Variants in CYP2B6 observed in about 807,000 individuals in gnomAD.
CYP2B6 encodes the protein cytochrome P450 2B6.
Under a neutral mutation model 43.4 loss-of-function variants are expected in CYP2B6, and 35 were observed. That is an observed-to-expected ratio of 0.81 (90% CI 0.62 to 1.07). The LOEUF is 1.07. Among genes scored for constraint, CYP2B6 ranks in the 50% least tolerant of loss-of-function variants. The pLI, the probability that CYP2B6 is intolerant of heterozygous loss-of-function variation, is 0.00. For missense variants in CYP2B6, 624 were observed against 632.8 expected (o/e 0.99, Z 0.15); for synonymous variants, 239 against 239.2 (o/e 1.00, Z 0.01).
In CYP2B6 at chr19:41,012,381, GA is replaced by G; in HGVS notation, c.1049del (p.Glu350GlyfsTer43). The G allele has an allele frequency of 2.5e-6, 4 of 1,614,128 alleles. No individual in the cohort carries two copies. Among genetic ancestry groups the G allele is most frequent in the Non-Finnish European group, 3.4e-6 (4 of 1,180,030 alleles). ...TGACCGAGCCAAAATGCCATACACA[GA>G]GGCAGTCATCTATGAGATTCAGAGA... ...LHDRAKMPYT[E>X]AVIYEIQRFS... On this transcript the variant is annotated frameshift_variant, in exon 7 of 9. Coordinates refer to ENST00000324071, the MANE Select transcript of CYP2B6 (RefSeq NM_000767.5). LOFTEE classifies it high-confidence loss of function.
At chr19:40,992,155 T>C (rs1419373808) in intron 1 of CYP2B6, among the ~76,000 whole-genome samples, 2 of 143,666 alleles carry the variant, frequency 1.4e-5, no homozygotes, top group Non-Finnish European at 3.0e-5. Context: ...TGAGCCAAAA[T>C]CTTACCACTG....
chr19:41,014,484 T>G (rs1203023112), intron 8 of CYP2B6, among the ~76,000 whole-genome samples: 3 of 152,030 alleles, frequency 2.0e-5, no homozygotes, highest in East Asian at 1.9e-4. Flanking sequence ...TTTTTTTATT[T>G]TTAGTAGAGA....
At chr19:41,009,884 T>TA in intron 5 of CYP2B6, 110 bp from the exon 6 acceptor site, 1 of 1,298,248 alleles carries the variant, frequency 7.7e-7, no homozygotes, top group East Asian at 2.3e-5. Context: ...CTGGGCCAGA[T>TA]AGTGTCAAAG....
rs573200669 is a variant in CYP2B6, at chr19:41,017,135, G to A, written c.*308G>A. Reference sequence around the variant, plus strand: ...TCGGCTCACTGCAACCTCCACCCCCGGGGATCAAGCAACTCTCCTGCCTCA... The same window carrying A: ...TCGGCTCACTGCAACCTCCACCCCCAGGGATCAAGCAACTCTCCTGCCTCA... On this transcript the variant is annotated 3_prime_UTR_variant, in exon 9 of 9. Coordinates refer to ENST00000324071, the MANE Select transcript of CYP2B6 (RefSeq NM_000767.5). 3.3e-4 allele frequency: 63 copies of A among 189,292 alleles called. No homozygotes were observed. In the Middle Eastern group the frequency reaches 6.4e-3, roughly 19 times the overall value. 11.7% of individuals were successfully genotyped at this position (189,292 alleles called of 1,614,324 possible). A position where few individuals can be genotyped will look rare whatever the true frequency, so the allele number is the denominator to read the frequency against.
At chr19:41,002,850 T>C (rs776242495) in intron 1 of CYP2B6, among the ~76,000 whole-genome samples, 5 of 152,106 alleles carry the variant, frequency 3.3e-5, no homozygotes, top group Non-Finnish European at 7.3e-5. Flanking sequence ...CCTGGCCCTG[T>C]GTTTGAACTT....
chr19:41,006,773 A>AT (rs1969194417), intron 3 of CYP2B6, 132 bp from the exon 4 acceptor site: 2 of 833,224 alleles, frequency 2.4e-6, no homozygotes, highest in African/African-American at 3.4e-5. Context: ...GTGCTGGTAC[A>AT]TAATTAGCTG....
chr19:40,998,572 C>A (rs112882426), intron 1 of CYP2B6, among the ~76,000 whole-genome samples: 1 of 118,336 alleles, frequency 8.5e-6, no homozygotes, highest in Admixed American at 9.0e-5. Context: ...ATCCCTCCCC[C>A]CTCCCCCCAC....
chr19:41,002,965 GTTC>G (rs1969119011), intron 1 of CYP2B6, among the ~76,000 whole-genome samples: 2 of 152,044 alleles, frequency 1.3e-5, no homozygotes, highest in African/African-American at 4.8e-5. Flanking sequence ...GCTGTGGTTT[GTTC>G]TTTTTTGTTG....
intron 6 of CYP2B6, among the ~76,000 whole-genome samples, chr19:41,010,890 C>G (rs544049455): frequency 3.9e-5 from 6 of 152,204 alleles, no homozygotes; most frequent in Middle Eastern, 3.4e-3. Flanking sequence ...TGAGAACATG[C>G]AATATTTGAC....
chr19:41,009,811 A>G, intron 5 of CYP2B6, 183 bp from the exon 6 acceptor site: 1 of 659,580 alleles, frequency 1.5e-6, no homozygotes, highest in South Asian at 1.8e-5. Context: ...AAGACTAAAG[A>G]GAGGCTGAGA....
intron 3 of CYP2B6, among the ~76,000 whole-genome samples, chr19:41,006,611 G>T (rs1477142952): frequency 6.6e-6 from 1 of 151,918 alleles, no homozygotes; most frequent in Non-Finnish European, 1.5e-5. Flanking sequence ...TGTGTTGCCT[G>T]GGTCTAAATC....
chr19:41,015,116 A>T (rs943366628), intron 8 of CYP2B6, among the ~76,000 whole-genome samples: 1 of 152,208 alleles, frequency 6.6e-6, no homozygotes, highest in African/African-American at 2.4e-5. Flanking sequence ...TGTGTCTGAC[A>T]GGTATAGACA....
Position 41,009,396 on chromosome 19 carries a change from G to T in CYP2B6, c.822+1G>T, listed in dbSNP as rs1420783650. On this transcript the variant is annotated splice_donor_variant, in intron 5 of 8. Transcript: ENST00000324071. LOFTEE classifies it high-confidence loss of function. ...CACCTACCTGCTCCACATGGAAAAA[G>T]TGGGGTCTGGGAGAGGAAAAAGGGA... 6.3e-7 allele frequency: 1 copy of T among 1,582,910 alleles called. No homozygotes were observed. The highest frequency in any genetic ancestry group is 8.7e-7 in the Non-Finnish European group (1 of 1,155,870).
intron 1 of CYP2B6, among the ~76,000 whole-genome samples, chr19:40,993,220 T>C (rs1318487052): frequency 1.3e-5 from 2 of 152,014 alleles, no homozygotes; most frequent in African/African-American, 4.8e-5. Context: ...AGAAGAAACA[T>C]TAAGAGTAGA....
At chr19:40,991,591 G>A (rs1280222351) in intron 1 of CYP2B6, 115 bp downstream of exon 1, 2 of 1,104,220 alleles carry the variant, frequency 1.8e-6, no homozygotes, top group Admixed American at 3.4e-5. Context: ...CACGGGCATG[G>A]TTGGTGAGTA....
chr19:41,012,976 G>A, intron 8 of CYP2B6, 161 bp downstream of exon 8: 1 of 858,480 alleles, frequency 1.2e-6, no homozygotes, highest in Non-Finnish European at 1.9e-6. Context: ...CTATAAGGAG[G>A]CTTGAGAAAG....
intron 1 of CYP2B6, among the ~76,000 whole-genome samples, chr19:40,997,101 C>T (rs1969009147): frequency 6.6e-6 from 1 of 151,788 alleles, no homozygotes; most frequent in Admixed American, 6.6e-5. Context: ...GAGGTGGTGG[C>T]ACGAATCAAA....
At chr19:41,013,378 G>C (rs1050060373) in intron 8 of CYP2B6, among the ~76,000 whole-genome samples, 44 of 152,264 alleles carry the variant, frequency 2.9e-4, no homozygotes, top group South Asian at 1.0e-3. Flanking sequence ...ATAGGAAATA[G>C]TAGCTAATCT....
chr19:40,993,997 G>T lies in CYP2B6; in HGVS notation c.171+2521G>T, dbSNP rs1464331216. On this transcript the variant is annotated intron_variant, in intron 1 of 8. Coordinates refer to ENST00000324071, the MANE Select transcript of CYP2B6 (RefSeq NM_000767.5). ...TTCTACCCATCTGAACTCCTTGGAG[G>T]TTCAATTAGCTGCAAAATTCAAGAT... Among the ~76,000 whole-genome samples, 6 of 152,116 alleles carry T rather than the reference G, an allele frequency of 3.9e-5. No individual in the cohort carries two copies. The South Asian group carries it at 1.0e-3, about 26-fold the overall frequency.
Sources: gnomAD v4.1 joint callset for allele counts (sites outside exome capture counted in the v4.1 genomes callset) on GRCh38, gnomAD v4.1.1 for gene constraint, MANE v1.5 for transcripts, NCBI Gene and HGNC (gene_info 2026-07-23, HGNC 2026-07-21) for gene names.